Variants in WDR5 observed in about 807,000 individuals in gnomAD.
WDR5 encodes WD repeat domain 5.
For missense variants in WDR5, 187 were observed against 416.9 expected (o/e 0.45, Z 4.80); for synonymous variants, 144 against 161.6 (o/e 0.89, Z 0.83).
rs965166177 is a variant in WDR5 at position 134,158,232 on chromosome 9, C to T, written c.*239C>T. On this transcript the variant is annotated 3_prime_UTR_variant, in exon 14 of 14. Coordinates refer to ENST00000358625, the MANE Select transcript of WDR5 (RefSeq NM_017588.3). The stretch of plus-strand genomic sequence containing the variant: ...CACTGTCTAGGGAAGAGTTCCTAGT[C>T]TATTGTGTTCAAACAGAGTCAACAA... 2.3e-6 allele frequency: 1 copy of T among 432,056 alleles called. No homozygotes were observed. Among genetic ancestry groups the T allele is most frequent in the Non-Finnish European group, 4.2e-6 (1 of 240,646 alleles). The allele number at this position is 432,056 out of a possible 1,614,324, so 26.8% of individuals were successfully genotyped here. A position where few individuals can be genotyped will look rare whatever the true frequency, so the allele number is the denominator to read the frequency against.
At position 134,136,100 on chromosome 9, in the gene WDR5, C is replaced by G. The variant is rs1831531599; in HGVS notation, c.-159C>G. The G allele has an allele frequency of 6.7e-6, 1 of 149,580 alleles. No individual in the cohort carries two copies. The highest frequency in any genetic ancestry group is 1.5e-5 in the Non-Finnish European group (1 of 67,146). 9.3% of individuals were successfully genotyped at this position (149,580 alleles called of 1,614,324 possible). On this transcript the variant is annotated 5_prime_UTR_variant, in exon 1 of 14. Coordinates refer to ENST00000358625, the MANE Select transcript of WDR5 (RefSeq NM_017588.3). ...GCACTGCGCCCCCGCCGCCTGGCGCCCGCCCGAGCTGCCGCCTTGTCGAGC... is the reference window on the plus strand; with the variant it reads ...GCACTGCGCCCCCGCCGCCTGGCGCGCGCCCGAGCTGCCGCCTTGTCGAGC...
chr9:134,157,759 G>A lies in WDR5; in HGVS notation c.905-134G>A. On this transcript the variant is annotated intron_variant, in intron 13 of 13. Coordinates refer to ENST00000358625, the MANE Select transcript of WDR5 (RefSeq NM_017588.3). This position sits in a 1 kb window ranked among gnomAD's most constrained non-coding sequence, Gnocchi z 5.0. ...CCTGTGTCGAAGGTGGGCAGTGGGTGCTTGTCCTGTGACCTCCCAGGTGGC... is the reference window on the plus strand; with the variant it reads ...CCTGTGTCGAAGGTGGGCAGTGGGTACTTGTCCTGTGACCTCCCAGGTGGC... The A allele has an allele frequency of 1.3e-6, 1 of 744,314 alleles. No homozygotes were observed. The highest frequency in any genetic ancestry group is 2.2e-6 in the Non-Finnish European group (1 of 445,062). The allele number at this position is 744,314 out of a possible 1,614,324, so 46.1% of individuals were successfully genotyped here. A position where few individuals can be genotyped will look rare whatever the true frequency, so the allele number is the denominator to read the frequency against.
chr9:134,146,440 T>G lies in WDR5; in HGVS notation c.529-1848T>G, dbSNP rs566779549. On this transcript the variant is annotated intron_variant, in intron 7 of 13. Transcript: ENST00000358625. ...TTGTAGAGACAAGGTTTCACCATGT[T>G]GGCCAGGCTGGTCTCGAATTCCTGG... is the stretch of plus-strand genomic sequence containing the variant. Among the ~76,000 whole-genome samples, 3 of 152,324 alleles carry G rather than the reference T, an allele frequency of 2.0e-5. No homozygotes were observed. In the South Asian group the frequency reaches 6.2e-4, roughly 32 times the overall value.
chr9:134,149,883 G>C (rs569364073), intron 8 of WDR5, among the ~76,000 whole-genome samples: 1 of 152,314 alleles, frequency 6.6e-6, no homozygotes, highest in Admixed American at 6.5e-5. Context: ...GGCTCCAGCA[G>C]CGAGCTCGGC....
chr9:134,149,447 A>G lies in WDR5; in HGVS notation c.584+1104A>G, dbSNP rs77302095. 8.6e-3 allele frequency among the ~76,000 whole-genome samples: 1,310 copies of G among 152,216 alleles called. 18 individuals are homozygous for G. Among genetic ancestry groups the G allele is most frequent in the African/African-American group, 0.03 (1,236 of 41,524 alleles). On this transcript the variant is annotated intron_variant, in intron 8 of 13. Transcript: ENST00000358625. ...TTAAAGCCATCGTTTACACTTGACC[A>G]TTTACCAGCTTATTATAAAGGATAC...
intron 1 of WDR5, among the ~76,000 whole-genome samples, chr9:134,136,684 C>T (rs1831577773): frequency 6.6e-6 from 1 of 152,184 alleles, no homozygotes; most frequent in Non-Finnish European, 1.5e-5. Context: ...AGGTGGGGTC[C>T]TGGGGTGCGG....
chr9:134,156,422 A>G, intron 12 of WDR5, 84 bp from the exon 13 acceptor site: 2 of 1,378,340 alleles, frequency 1.5e-6, no homozygotes, highest in Non-Finnish European at 2.1e-6. Context: ...GGGGCAGGGC[A>G]TAACTGGAGA....
chr9:134,157,712 C>T lies in WDR5; in HGVS notation c.905-181C>T, dbSNP rs1431560340. Among the ~76,000 whole-genome samples the T allele has an allele frequency of 1.3e-5, 2 of 152,104 alleles. No homozygotes were observed. ...TCGCCCTGGTACCGGCTGCTGTCCC[C>T]TCGCTCCCCTCCCCTGGGCTCCCTG... On this transcript the variant is annotated intron_variant, in intron 13 of 13. Coordinates refer to ENST00000358625, the MANE Select transcript of WDR5 (RefSeq NM_017588.3). This position sits in a 1 kb window ranked among gnomAD's most constrained non-coding sequence, Gnocchi z 5.0.
chr9:134,155,221 C>G, intron 10 of WDR5, 119 bp from the exon 11 acceptor site: 3 of 1,252,732 alleles, frequency 2.4e-6, no homozygotes, highest in Non-Finnish European at 3.2e-6. Flanking sequence ...GGGGTTCCAG[C>G]CCCGCTGGCT....
At chr9:134,154,122 T>G (rs975540740) in intron 9 of WDR5, among the ~76,000 whole-genome samples, 3 of 152,178 alleles carry the variant, frequency 2.0e-5, no homozygotes, top group Non-Finnish European at 1.5e-5. Context: ...CTGGTGGAGT[T>G]GTCCCTCTGT....
upstream of WDR5, chr9:134,136,051 A>G (rs1425550262): frequency 2.3e-5 from 2 of 85,592 alleles, no homozygotes; most frequent in Non-Finnish European, 4.7e-5. Context: ...CCCCCCGGAC[A>G]CCGCCCCCTC....
chr9:134,143,352 C>T (rs1410172149), intron 7 of WDR5, among the ~76,000 whole-genome samples: 1 of 152,100 alleles, frequency 6.6e-6, no homozygotes, highest in Non-Finnish European at 1.5e-5. Context: ...ACCAGCCTGG[C>T]CAACATGGTG....
At chr9:134,145,096 G>GTTTTTTT (rs56864188) in intron 7 of WDR5, among the ~76,000 whole-genome samples, 4,545 of 104,486 alleles carry the variant, frequency 0.043, 474 homozygotes, top group African/African-American at 0.054. Context: ...GTGGGGCTTT[G>GTTTTTTT]TTTTTTTTTT....
chr9:134,137,683 A>AC (rs1564186379), intron 1 of WDR5, among the ~76,000 whole-genome samples: 2 of 128,398 alleles, frequency 1.6e-5, no homozygotes, highest in African/African-American at 5.8e-5. Context: ...AAAAACAAAA[A>AC]CAAAAAAAAA....
chr9:134,142,560 A>G, intron 6 of WDR5, 76 bp from the exon 7 acceptor site: 11 of 1,569,912 alleles, frequency 7.0e-6, no homozygotes, highest in African/African-American at 1.4e-5. Flanking sequence ...GGATGGGCTG[A>G]TAGCAGGTCT....
chr9:134,136,588 G>T (rs1380319066), intron 1 of WDR5, among the ~76,000 whole-genome samples: 2 of 152,096 alleles, frequency 1.3e-5, no homozygotes, highest in Non-Finnish European at 2.9e-5. Flanking sequence ...GTCCCTGGAC[G>T]AGGTGCGCTT....
chr9:134,146,487 T>G (rs1832208809), intron 7 of WDR5, among the ~76,000 whole-genome samples: 1 of 152,174 alleles, frequency 6.6e-6, no homozygotes, highest in African/African-American at 2.4e-5. Flanking sequence ...CCGCCCACCT[T>G]GATTTCCTAA....
At position 134,158,241 on chromosome 9, in the gene WDR5, TCAAA is replaced by T. The variant is rs976937979; in HGVS notation, c.*251_*254del. On this transcript the variant is annotated 3_prime_UTR_variant, in exon 14 of 14. Transcript: ENST00000358625. ...GGGAAGAGTTCCTAGTCTATTGTGTTCAAACAGAGTCAACAAAAGTTTTTAATTT... is the reference window on the plus strand; with the variant it reads ...GGGAAGAGTTCCTAGTCTATTGTGTTCAGAGTCAACAAAAGTTTTTAATTT... 15 of 370,998 alleles carry T rather than the reference TCAAA, an allele frequency of 4.0e-5. No homozygotes were observed. Among genetic ancestry groups the T allele is most frequent in the East Asian group, 2.3e-4 (5 of 22,042 alleles). 23.0% of individuals were successfully genotyped at this position (370,998 alleles called of 1,614,324 possible).
rs1182130654 is a variant in WDR5 at position 134,158,459 on chromosome 9, C to G, written c.*466C>G. On this transcript the variant is annotated 3_prime_UTR_variant, in exon 14 of 14. Transcript: ENST00000358625. ...TCTCTGCTGCGTAGATGCCCTGGCC[C>G]AGGGCCCTGACTCCTCCATTCCCGC... 1.9e-5 allele frequency: 3 copies of G among 154,372 alleles called. No individual in the cohort carries two copies. The East Asian group carries it at 5.7e-4, about 29-fold the overall frequency. 9.6% of individuals were successfully genotyped at this position (154,372 alleles called of 1,614,324 possible).
Sources: gnomAD v4.1 joint callset for allele counts (sites outside exome capture counted in the v4.1 genomes callset) on GRCh38, gnomAD v4.1.1 for gene constraint, Gnocchi (gnomAD v3.1) non-coding constraint, MANE v1.5 for transcripts, NCBI Gene and HGNC (gene_info 2026-07-23, HGNC 2026-07-21) for gene names.